The following CLK4 variants were observed in gnomAD, a reference collection of about 807,000 sequenced individuals.
CLK4 encodes the protein dual specificity protein kinase CLK4.
A neutral mutation model predicts 64.4 loss-of-function variants in CLK4; 37 were observed. That is an observed-to-expected ratio of 0.57 (90% confidence interval 0.44 to 0.76). CLK4 has a LOEUF of 0.76. Ranked by LOEUF, CLK4 falls within the 30% of genes least tolerant of loss-of-function variation. The pLI is 0.00. For synonymous variants in CLK4, 175 were observed against 191.6 expected, an observed-to-expected ratio of 0.91 and a Z score of 0.72; for missense variants, 457 against 605.1, an observed-to-expected ratio of 0.76 and a Z score of 2.57.
At chr5:178,614,461 G>C (rs1225304044) in intron 5 of CLK4, among the ~76,000 whole-genome samples, 1 of 152,194 alleles carries the variant, frequency 6.6e-6, no homozygotes. Context: ...CTACAGGGGA[G>C]GGCAGTGGGC....
At chr5:178,619,393 C>T (rs1764673434) in intron 2 of CLK4, among the ~76,000 whole-genome samples, 1 of 152,236 alleles carries the variant, frequency 6.6e-6, no homozygotes, top group South Asian at 2.1e-4. Context: ...TATCATGTCT[C>T]CTCTACTCTT....
In CLK4 at chr5:178,605,259, G is replaced by A. The variant is rs1308846468; in HGVS notation, c.1214+44C>T. 5.3e-6 allele frequency: 6 copies of A among 1,141,430 alleles called. No homozygotes were observed. In the African/African-American group the frequency reaches 6.5e-5, roughly 12 times the overall value. The allele number at this position is 1,141,430 out of a possible 1,614,324, so 70.7% of individuals were successfully genotyped here. On this transcript the variant is annotated intron_variant, in intron 11 of 12. Transcript: ENST00000316308. ...TGGGTTTTCTGTAGTTTGAATATATGCTATTGCACATATCCAACAAAAGTC... is the reference window on the plus strand; with the variant it reads ...TGGGTTTTCTGTAGTTTGAATATATACTATTGCACATATCCAACAAAAGTC...
intron 7 of CLK4, 101 bp from the exon 8 acceptor site, chr5:178,612,991 T>G: frequency 1.8e-6 from 1 of 552,726 alleles, no homozygotes; most frequent in Non-Finnish European, 3.3e-6. Flanking sequence ...CAAGAGACGA[T>G]TCATCTTTAC....
chr5:178,623,394 T>C lies in CLK4; in HGVS notation c.23A>G (p.His8Arg), dbSNP rs1027003969. MRHSKRT[H>R]CPDWDSRESW... is the part of the protein sequence containing the mutation. ...TTCTCTGCTATCCCAATCAGGACAG[T>C]GAGTTCTTTTGGAATGCCGCATCTG... is the stretch of plus-strand genomic sequence containing the variant. The change falls in exon 2 of 13, where the codon CAC becomes CGC. Residue 8 changes from histidine to arginine, a missense_variant. Coordinates refer to ENST00000316308, the MANE Select transcript of CLK4 (RefSeq NM_020666.3). 1 of 1,611,816 alleles carries C rather than the reference T, an allele frequency of 6.2e-7. No homozygotes were observed. Among genetic ancestry groups the C allele is most frequent in the Admixed American group, 1.7e-5 (1 of 59,398 alleles).
At chr5:178,622,445 G>A (rs929724694) in intron 2 of CLK4, 6 of 985,796 alleles carry the variant, frequency 6.1e-6, no homozygotes, top group African/African-American at 5.2e-5. Context: ...CTGGTAAACA[G>A]TCCCAATGGA....
Position 178,617,149 on chromosome 5 carries a change from C to T in CLK4, c.475+195G>A, listed in dbSNP as rs1764638261. On this transcript the variant is annotated intron_variant, in intron 4 of 12. Transcript: ENST00000316308. This position sits in a 1 kb window ranked among gnomAD's most constrained non-coding sequence, Gnocchi z 5.2. The stretch of plus-strand genomic sequence containing the variant: ...ATCTTTCTTGCTCTAATCTCAAATT[C>T]CACTGATTATTTTGGAACTTTAGAA... 1 of 638,790 alleles carries T rather than the reference C, an allele frequency of 1.6e-6. No homozygotes were observed. The highest frequency in any genetic ancestry group is 2.1e-5 in the South Asian group (1 of 48,528). The allele number at this position is 638,790 out of a possible 1,614,324, so 39.6% of individuals were successfully genotyped here.
At chr5:178,624,837 C>A (rs1352299645) in intron 1 of CLK4, among the ~76,000 whole-genome samples, 1 of 152,172 alleles carries the variant, frequency 6.6e-6, no homozygotes, top group Non-Finnish European at 1.5e-5. Flanking sequence ...AGTGAGGCAG[C>A]TTCAATTCTT....
At chr5:178,620,271 G>A in intron 2 of CLK4, 2 of 245,784 alleles carry the variant, frequency 8.1e-6, no homozygotes, top group South Asian at 1.0e-4. Context: ...AATACAATAA[G>A]CTAGACGTGA....
intron 1 of CLK4, among the ~76,000 whole-genome samples, chr5:178,626,126 T>C (rs972690754): frequency 2.0e-5 from 3 of 152,176 alleles, no homozygotes; most frequent in Admixed American, 6.5e-5. Flanking sequence ...AAGTTTAGGA[T>C]TGGATGGCTC....
intron 2 of CLK4, among the ~76,000 whole-genome samples, chr5:178,620,863 CA>C (rs1302912180): frequency 1.3e-5 from 2 of 152,048 alleles, no homozygotes; most frequent in Admixed American, 6.5e-5. Context: ...AGAATAATTA[CA>C]AAAAAGATGG....
chr5:178,609,538 C>T (rs931321198), intron 9 of CLK4, among the ~76,000 whole-genome samples: 2 of 151,942 alleles, frequency 1.3e-5, no homozygotes, highest in Non-Finnish European at 2.9e-5. Flanking sequence ...AAAAAATTAG[C>T]TGGGCGTGGT....
chr5:178,610,798 G>A (rs984689283), intron 9 of CLK4, among the ~76,000 whole-genome samples: 42 of 151,990 alleles, frequency 2.8e-4, no homozygotes, highest in African/African-American at 5.3e-4. Flanking sequence ...TTGGCCGGGC[G>A]CGGTGGCTCA....
Position 178,612,542 on chromosome 5 carries a change from G to A in CLK4, c.925C>T (p.Arg309Cys), listed in dbSNP as rs1454137648. 4.3e-6 allele frequency: 7 copies of A among 1,613,568 alleles called. No homozygotes were observed. Among genetic ancestry groups the A allele is most frequent in the African/African-American group, 1.3e-5 (1 of 75,010 alleles). ...GTGTTTTTCAGTGTGCGTTCATCACGTTTCTAGAGAGACACAGTTGAGTAA... is the reference window on the plus strand; with the variant it reads ...GTGTTTTTCAGTGTGCGTTCATCACATTTCTAGAGAGACACAGTTGAGTAA... ...YVVKYNSKMK[R>C]DERTLKNTDI... Residue 309 changes from arginine to cysteine, a missense_variant, in exon 9 of 13, where the codon CGT becomes TGT. Transcript: ENST00000316308.
At chr5:178,614,618 T>A (rs1025309189) in intron 5 of CLK4, among the ~76,000 whole-genome samples, 3 of 152,208 alleles carry the variant, frequency 2.0e-5, no homozygotes, top group Non-Finnish European at 4.4e-5. Flanking sequence ...ACTATGACCC[T>A]TCCACTTTAC....
At chr5:178,626,636 G>A (rs574517218) in intron 1 of CLK4, among the ~76,000 whole-genome samples, 1 of 152,326 alleles carries the variant, frequency 6.6e-6, no homozygotes, top group East Asian at 1.9e-4. Flanking sequence ...CCTAGCGCCC[G>A]CCGGCTGGAA....
At position 178,624,993 on chromosome 5, in the gene CLK4, C is replaced by A. The variant is rs1004948807; in HGVS notation, c.1-1577G>T. Among the ~76,000 whole-genome samples, 8 of 152,254 alleles carry A rather than the reference C, an allele frequency of 5.3e-5. 1 individual carries two copies. The East Asian group carries it at 1.4e-3, about 26-fold the overall frequency. ...CTAAGGTGGCTCTCAGCTCACTTTA[C>A]AGAGGAAGAGAAGGCACTGATCAGG... On this transcript the variant is annotated intron_variant, in intron 1 of 12. Coordinates refer to ENST00000316308, the MANE Select transcript of CLK4 (RefSeq NM_020666.3).
chr5:178,608,090 T>G (rs1301259194), intron 10 of CLK4, among the ~76,000 whole-genome samples: 1 of 152,170 alleles, frequency 6.6e-6, no homozygotes, highest in Non-Finnish European at 1.5e-5. Flanking sequence ...ACATTAACAC[T>G]ACTGCAAATT....
At chr5:178,611,087 G>A (rs1201791006) in intron 9 of CLK4, among the ~76,000 whole-genome samples, 1 of 143,006 alleles carries the variant, frequency 7.0e-6, no homozygotes, top group Admixed American at 6.8e-5. Flanking sequence ...AAAAAAAAAA[G>A]GGGGGGGTTA....
chr5:178,609,128 G>C (rs1393775576), intron 9 of CLK4, among the ~76,000 whole-genome samples: 1 of 152,100 alleles, frequency 6.6e-6, no homozygotes, highest in African/African-American at 2.4e-5. Context: ...ATTCAGATCA[G>C]AATAAAACAT....
Sources: allele counts gnomAD v4.1 joint callset (sites outside exome capture counted in the v4.1 genomes callset), GRCh38; gene constraint gnomAD v4.1.1; non-coding constraint Gnocchi (gnomAD v3.1); transcripts MANE v1.5; gene names NCBI Gene and HGNC (gene_info 2026-07-23, HGNC 2026-07-21).